The following CUX1 variants were observed in gnomAD, a reference collection of about 807,000 sequenced individuals.
CUX1 encodes the protein cut like homeobox 1.
Under a neutral mutation model 158.8 loss-of-function variants are expected in CUX1, and 31 were observed. That is an observed-to-expected ratio of 0.20 (90% confidence interval 0.15 to 0.26). CUX1 has a LOEUF of 0.26. Among genes scored for constraint, CUX1 ranks in the 10% least tolerant of loss-of-function variants. CUX1 has a pLI of 1.00. For missense variants in CUX1, 1,589 were observed against 2,014.6 expected, an observed-to-expected ratio of 0.79 and a Z score of 4.04; for synonymous variants, 879 against 862.1, an observed-to-expected ratio of 1.02 and a Z score of -0.34.
At chr7:101,899,244 T>C (rs1417658123) in intron 1 of CUX1, among the ~76,000 whole-genome samples, 1 of 152,184 alleles carries the variant, frequency 6.6e-6, no homozygotes, top group Admixed American at 6.5e-5. Context: ...TCCCTGCCAG[T>C]TGGTCCTCAA....
chr7:102,199,494 T>C (rs1361252724), intron 16 of CUX1, among the ~76,000 whole-genome samples: 1 of 152,196 alleles, frequency 6.6e-6, no homozygotes, highest in Non-Finnish European at 1.5e-5. Context: ...AAAGAATCCA[T>C]CCTCCCCACT....
At chr7:102,125,302 T>G (rs1832507621) in intron 8 of CUX1, among the ~76,000 whole-genome samples, 1 of 152,204 alleles carries the variant, frequency 6.6e-6, no homozygotes, top group Non-Finnish European at 1.5e-5. Flanking sequence ...AAACTCAGGA[T>G]GCTGTTGGCT....
intron 22 of CUX1, among the ~76,000 whole-genome samples, chr7:102,235,053 T>C (rs1799403181): frequency 2.0e-5 from 3 of 152,230 alleles, no homozygotes; most frequent in Admixed American, 1.3e-4. Flanking sequence ...CTTGCTGTTA[T>C]TTCCCAGCCT....
chr7:102,019,790 A>G (rs1819132756), intron 2 of CUX1, among the ~76,000 whole-genome samples: 2 of 152,254 alleles, frequency 1.3e-5, no homozygotes, highest in African/African-American at 2.4e-5. Context: ...AAAGACATTT[A>G]AATGGGAAGA....
At chr7:101,982,220 G>A (rs116348207) in intron 2 of CUX1, among the ~76,000 whole-genome samples, 3,341 of 152,254 alleles carry the variant, frequency 0.022, 115 homozygotes, top group African/African-American at 0.072. Context: ...AGCTGTGACT[G>A]CTGACATCTT....
rs562048556 is a variant in CUX1, at chr7:102,006,201, C to T, written c.142-21897C>T. ...AAAAGACCCGCGGGGTCCACTGGCT[C>T]GGAAGTCGGTCTCTTTCAGTTTGGA... On this transcript the variant is annotated intron_variant, in intron 2 of 23. Transcript: ENST00000292535. Among the ~76,000 whole-genome samples the T allele has an allele frequency of 4.6e-5, 7 of 152,196 alleles. No homozygotes were observed. The South Asian group carries it at 1.2e-3, about 27-fold the overall frequency.
intron 8 of CUX1, among the ~76,000 whole-genome samples, chr7:102,155,216 A>C (rs1836136609): frequency 6.6e-6 from 1 of 152,082 alleles, no homozygotes; most frequent in Non-Finnish European, 1.5e-5. Context: ...AATACACGAT[A>C]GGTAACTAAC....
chr7:102,278,116 G>A, intron 18 of CUX1: 1 of 1,329,216 alleles, frequency 7.5e-7, no homozygotes, highest in Non-Finnish European at 1.1e-6. Flanking sequence ...CAGGGAGAGA[G>A]GCCGATCAGG....
intron 1 of CUX1, among the ~76,000 whole-genome samples, chr7:101,867,755 G>A (rs1798080943): frequency 6.6e-6 from 1 of 152,100 alleles, no homozygotes; most frequent in Admixed American, 6.5e-5. Context: ...AAACACCTCA[G>A]GAATACAGAA....
rs188321181 is a variant in CUX1, at chr7:102,052,050, A to G, written c.190-18289A>G. On this transcript the variant is annotated intron_variant, in intron 3 of 23. Transcript: ENST00000292535. ...AACATGGCGAAACCCCGTCTCTACT[A>G]AAAAAACGAAGTACAAAAAAATTAG... is the stretch of plus-strand genomic sequence containing the variant. 6.8e-3 allele frequency among the ~76,000 whole-genome samples: 1,037 copies of G among 152,192 alleles called. 16 individuals are homozygous for G. Among genetic ancestry groups the G allele is most frequent in the African/African-American group, 0.024 (986 of 41,522 alleles).
chr7:102,195,260 A>C (rs1554517919), intron 13 of CUX1, among the ~76,000 whole-genome samples: 2 of 151,362 alleles, frequency 1.3e-5, no homozygotes, highest in Non-Finnish European at 2.9e-5. Flanking sequence ...TAATTTTTTT[A>C]GGAGCTGTGG....
At chr7:102,202,988 A>C (rs897652120) in intron 18 of CUX1, among the ~76,000 whole-genome samples, 7 of 152,116 alleles carry the variant, frequency 4.6e-5, no homozygotes, top group Non-Finnish European at 7.4e-5. Context: ...ATTTTTTGAG[A>C]TGGCGTCTCA....
At chr7:102,135,710 C>T (rs1400462350) in intron 8 of CUX1, among the ~76,000 whole-genome samples, 3 of 152,122 alleles carry the variant, frequency 2.0e-5, no homozygotes, top group Admixed American at 1.3e-4. Flanking sequence ...CACGGTGGCT[C>T]ATGCCTGTAA....
chr7:102,190,643 G>C (rs1736532842), intron 12 of CUX1, among the ~76,000 whole-genome samples: 1 of 152,170 alleles, frequency 6.6e-6, no homozygotes, highest in South Asian at 2.1e-4. Flanking sequence ...AACGAAGGTT[G>C]CCTAGGGCAT....
chr7:102,219,425 G>A (rs1797595317), intron 20 of CUX1, among the ~76,000 whole-genome samples: 1 of 152,042 alleles, frequency 6.6e-6, no homozygotes, highest in African/African-American at 2.4e-5. Context: ...TCTTTCTGCT[G>A]TTGAAAAACA....
Position 102,196,690 on chromosome 7 carries a change from C to G in CUX1, c.1279C>G (p.Pro427Ala). 1 of 1,602,708 alleles carries G rather than the reference C, an allele frequency of 6.2e-7. No homozygotes were observed. The highest frequency in any genetic ancestry group is 1.1e-5 in the South Asian group (1 of 89,890). The change falls in exon 15 of 24, where the codon CCG becomes GCG. Residue 427 changes from proline to alanine, a missense_variant. Transcript: ENST00000292535. ...TGAAAGTCGGCGCCCGGGATCTTTGCCGGCCCCCCCTCCTTCTCAGTTGCC... is the reference window on the plus strand; with the variant it reads ...TGAAAGTCGGCGCCCGGGATCTTTGGCGGCCCCCCCTCCTTCTCAGTTGCC... Reference protein sequence around the residue: ...QPESRRPGSLPAPPPSQLPRN... With the variant: ...QPESRRPGSLAAPPPSQLPRN...
At chr7:102,233,049 G>A (rs1343278116) in intron 21 of CUX1, among the ~76,000 whole-genome samples, 1 of 152,148 alleles carries the variant, frequency 6.6e-6, no homozygotes, top group Non-Finnish European at 1.5e-5. Flanking sequence ...TCTGATTTGA[G>A]GTTGTACAAG....
At chr7:102,195,258 T>A (rs1554517918) in intron 13 of CUX1, among the ~76,000 whole-genome samples, 1 of 152,208 alleles carries the variant, frequency 6.6e-6, no homozygotes, top group African/African-American at 2.4e-5. Context: ...ATTAATTTTT[T>A]TAGGAGCTGT....
chr7:101,990,423 C>G (rs572472077), intron 2 of CUX1, among the ~76,000 whole-genome samples: 2 of 151,866 alleles, frequency 1.3e-5, no homozygotes, highest in African/African-American at 4.8e-5. Context: ...CTCACCCAGG[C>G]TGGAGTGCAG....
Sources: allele counts gnomAD v4.1 joint callset (sites outside exome capture counted in the v4.1 genomes callset), GRCh38; gene constraint gnomAD v4.1.1; transcripts MANE v1.5; gene names NCBI Gene and HGNC (gene_info 2026-07-23, HGNC 2026-07-21).